Variants in CNTN4 observed in about 807,000 individuals in gnomAD.
CNTN4 encodes contactin-4.
Under a neutral mutation model 122.5 loss-of-function variants are expected in CNTN4, and 77 were observed. The observed-to-expected ratio is 0.63, with a 90% CI of 0.52 to 0.76. CNTN4 has a LOEUF of 0.76. CNTN4 is among the 30% of genes least tolerant of loss of function. CNTN4 has a pLI of 0.00. For synonymous variants in CNTN4, 512 were observed against 447.0 expected, an observed-to-expected ratio of 1.15 and a Z score of -1.83; for missense variants, 1,256 against 1,259.1, an observed-to-expected ratio of 1.00 and a Z score of 0.04.
rs117692409 is a variant in CNTN4 at position 2,414,079 on chromosome 3, G to A, written c.-89+74846G>A. On this transcript the variant is annotated intron_variant, in intron 3 of 24. Coordinates refer to ENST00000418658, the MANE Select transcript of CNTN4 (RefSeq NM_175607.3). ...AGTGGGGACAGTGCCTCCAGCATAC[G>A]AATGATATAGGTAGAGATATGGCTG... Among the ~76,000 whole-genome samples the A allele has an allele frequency of 7.9e-5, 12 of 152,202 alleles. No individual in the cohort carries two copies. The East Asian group carries it at 2.1e-3, about 27-fold the overall frequency.
intron 22 of CNTN4, 111 bp from the exon 23 acceptor site, chr3:3,043,481 T>A (rs1214318167): frequency 1.2e-6 from 1 of 805,570 alleles, no homozygotes. Context: ...CACATATTAG[T>A]GCAATAGCCC....
At chr3:2,812,732 A>G (rs1014303243) in intron 6 of CNTN4, among the ~76,000 whole-genome samples, 4 of 152,246 alleles carry the variant, frequency 2.6e-5, no homozygotes, top group African/African-American at 4.8e-5. Context: ...ACTTTGGACC[A>G]GGCAGCATCT....
At chr3:2,828,516 A>G (rs1559550994) in intron 7 of CNTN4, among the ~76,000 whole-genome samples, 1 of 152,208 alleles carries the variant, frequency 6.6e-6, no homozygotes, top group Non-Finnish European at 1.5e-5. Flanking sequence ...CCATTTTCCA[A>G]GAATGTTGAG....
At chr3:2,734,588 A>T (rs2088944794) in intron 4 of CNTN4, among the ~76,000 whole-genome samples, 1 of 150,790 alleles carries the variant, frequency 6.6e-6, no homozygotes, top group South Asian at 2.1e-4. Context: ...ATAAGATAGA[A>T]TTCTGTTTGG....
At chr3:2,755,542 A>T (rs1454116397) in intron 6 of CNTN4, among the ~76,000 whole-genome samples, 1 of 152,208 alleles carries the variant, frequency 6.6e-6, no homozygotes, top group African/African-American at 2.4e-5. Flanking sequence ...AGACAGAAAG[A>T]CATTAATGGT....
chr3:2,524,681 A>G (rs951463003), intron 3 of CNTN4, among the ~76,000 whole-genome samples: 1 of 152,120 alleles, frequency 6.6e-6, no homozygotes, highest in Non-Finnish European at 1.5e-5. Flanking sequence ...TGTTCCCAAC[A>G]CTTTTTGTCC....
chr3:2,841,577 G>A lies in CNTN4; in HGVS notation c.454+21996G>A, dbSNP rs2093362404. Among the ~76,000 whole-genome samples, 1 of 152,110 alleles carries A rather than the reference G, an allele frequency of 6.6e-6. No individual in the cohort carries two copies. Among genetic ancestry groups the A allele is most frequent in the Non-Finnish European group, 1.5e-5 (1 of 68,014 alleles). On this transcript the variant is annotated intron_variant, in intron 7 of 24. Transcript: ENST00000418658. This position sits in a 1 kb window ranked among gnomAD's most constrained non-coding sequence, Gnocchi z 4.8. ...GGCTCCAACCCTCAAACTATATTTG[G>A]CCATTGGCTTCGGGATTTGGTTATT...
chr3:2,370,067 A>G (rs1177109962), intron 3 of CNTN4, among the ~76,000 whole-genome samples: 1 of 152,132 alleles, frequency 6.6e-6, no homozygotes. Context: ...CTGAGTCCCG[A>G]CACCACTTTT....
At chr3:2,377,406 T>A (rs964813067) in intron 3 of CNTN4, among the ~76,000 whole-genome samples, 1 of 152,172 alleles carries the variant, frequency 6.6e-6, no homozygotes. Context: ...TTCTCTAGCT[T>A]CCTCACCCAC....
At chr3:2,481,213 T>C (rs2075996291) in intron 3 of CNTN4, among the ~76,000 whole-genome samples, 2 of 151,836 alleles carry the variant, frequency 1.3e-5, no homozygotes, top group Non-Finnish European at 2.9e-5. Flanking sequence ...CGATCTTGGC[T>C]CACTGCAACC....
chr3:2,865,043 A>G (rs1038695818), intron 7 of CNTN4, among the ~76,000 whole-genome samples: 3 of 152,216 alleles, frequency 2.0e-5, no homozygotes, highest in East Asian at 3.9e-4. Flanking sequence ...CTTCTTCACA[A>G]TGTATTATAG....
chr3:2,745,256 T>A lies in CNTN4; in HGVS notation c.183-266T>A, dbSNP rs76614869. On this transcript the variant is annotated intron_variant, in intron 5 of 24. Transcript: ENST00000418658. ...CCCGCCTTCAAAACAGTGAAGTGTT[T>A]GTAGCATCATAAGTAGTCAGAAGAA... Among the ~76,000 whole-genome samples the A allele has an allele frequency of 1.5e-3, 235 of 152,312 alleles. 5 individuals carry two copies. The East Asian group carries it at 0.038, about 25-fold the overall frequency.
At position 2,670,583 on chromosome 3, in the gene CNTN4, G is replaced by T. The variant is rs531209791; in HGVS notation, c.56-65632G>T. 4.6e-5 allele frequency among the ~76,000 whole-genome samples: 7 copies of T among 152,220 alleles called. No individual in the cohort carries two copies. In the South Asian group the frequency reaches 1.2e-3, roughly 27 times the overall value. ...CTGTGTCTTTTAATTGGAGCATTTAGCCCATGTACATCTAAGGTTAATATT... is the reference window on the plus strand; with the variant it reads ...CTGTGTCTTTTAATTGGAGCATTTATCCCATGTACATCTAAGGTTAATATT... On this transcript the variant is annotated intron_variant, in intron 4 of 24. Transcript: ENST00000418658.
chr3:2,827,352 A>G (rs2093008280), intron 7 of CNTN4, among the ~76,000 whole-genome samples: 1 of 152,246 alleles, frequency 6.6e-6, no homozygotes, highest in Non-Finnish European at 1.5e-5. Flanking sequence ...ATGAGGATGA[A>G]AAGACATAAC....
intron 2 of CNTN4, among the ~76,000 whole-genome samples, chr3:2,120,184 G>T (rs1381813471): frequency 6.6e-6 from 1 of 151,472 alleles, no homozygotes. Flanking sequence ...AGTGAAGGGG[G>T]CTCTAAATAG....
At chr3:2,239,219 T>A (rs1367821238) in intron 2 of CNTN4, among the ~76,000 whole-genome samples, 2 of 152,218 alleles carry the variant, frequency 1.3e-5, no homozygotes, top group African/African-American at 2.4e-5. Context: ...ATAATGTGAT[T>A]TGTATTTGGT....
At chr3:2,612,136 ACAC>A (rs1559303333) in intron 4 of CNTN4, among the ~76,000 whole-genome samples, 6 of 137,256 alleles carry the variant, frequency 4.4e-5, no homozygotes, top group African/African-American at 1.6e-4. Context: ...ACACACACAC[ACAC>A]AACAGACAGA....
At chr3:2,826,266 C>T (rs1194787734) in intron 7 of CNTN4, among the ~76,000 whole-genome samples, 3 of 152,212 alleles carry the variant, frequency 2.0e-5, no homozygotes, top group East Asian at 3.9e-4. Flanking sequence ...GATCCTCTGG[C>T]ATCATCCAGG....
intron 6 of CNTN4, among the ~76,000 whole-genome samples, chr3:2,787,301 AGGAGGT>A (rs2091866984): frequency 6.6e-6 from 1 of 151,456 alleles, no homozygotes; most frequent in African/African-American, 2.4e-5. Context: ...ACTTGAGTCC[AGGAGGT>A]GGAGGTTGCA....
Sources: allele counts gnomAD v4.1 joint callset (sites outside exome capture counted in the v4.1 genomes callset), GRCh38; gene constraint gnomAD v4.1.1; non-coding constraint Gnocchi (gnomAD v3.1); transcripts MANE v1.5; gene names NCBI Gene and HGNC (gene_info 2026-07-23, HGNC 2026-07-21).